Variants in RNF13 observed in about 807,000 individuals in gnomAD.
RNF13 encodes ring finger protein 13.
A neutral mutation model predicts 37.7 loss-of-function variants in RNF13; 19 were observed. The ratio of observed to expected loss-of-function variants is 0.50; its 90% CI spans 0.35 to 0.74. RNF13 has a LOEUF of 0.74. RNF13 is among the 30% of genes least tolerant of loss of function. The pLI is 0.01. For missense variants in RNF13, 375 were observed against 453.0 expected (o/e 0.83, Z 1.56); for synonymous variants, 144 against 157.8 (o/e 0.91, Z 0.65).
intron 7 of RNF13, among the ~76,000 whole-genome samples, chr3:149,919,401 C>T (rs1484605451): frequency 6.6e-6 from 1 of 152,140 alleles, no homozygotes; most frequent in East Asian, 1.9e-4. Flanking sequence ...TCATCCTCCC[C>T]TCACTACCCT....
chr3:149,918,746 C>G (rs1268290416), intron 7 of RNF13, among the ~76,000 whole-genome samples: 1 of 143,046 alleles, frequency 7.0e-6, no homozygotes, highest in Non-Finnish European at 1.5e-5. Context: ...TTAGGCTAGT[C>G]TCAAACTCCT....
Position 149,921,166 on chromosome 3 carries a change from T to C in RNF13, c.639T>C (p.Ala213=). The C allele has an allele frequency of 2.1e-6, 3 of 1,427,164 alleles. No homozygotes were observed. The highest frequency in any genetic ancestry group is 2.8e-6 in the Non-Finnish European group (3 of 1,075,446). The allele number at this position is 1,427,164 out of a possible 1,614,324, so 88.4% of individuals were successfully genotyped here. A position where few individuals can be genotyped will look rare whatever the true frequency, so the allele number is the denominator to read the frequency against. Residue 213 remains alanine, a synonymous_variant, in exon 8 of 10, where the codon GCT becomes GCC. Transcript: ENST00000392894. ...AATTTGTCCAGGATAGACATAGAGC[T>C]AGAAGAAACAGACTTCGTAAAGATC... ...ITKFVQDRHR[A]RRNRLRKDQL...
chr3:149,921,175 C>T lies in RNF13; in HGVS notation c.648C>T (p.Asn216=). 1 of 1,430,984 alleles carries T rather than the reference C, an allele frequency of 7.0e-7. No individual in the cohort carries two copies. Among genetic ancestry groups the T allele is most frequent in the Non-Finnish European group, 9.3e-7 (1 of 1,078,342 alleles). 88.6% of individuals were successfully genotyped at this position (1,430,984 alleles called of 1,614,324 possible). A position where few individuals can be genotyped will look rare whatever the true frequency, so the allele number is the denominator to read the frequency against. ...AGGATAGACATAGAGCTAGAAGAAA[C>T]AGACTTCGTAAAGATCAACTTAAGA... ...FVQDRHRARR[N]RLRKDQLKKL... is the part of the protein sequence containing the mutation. The change falls in exon 8 of 10, where the codon AAC becomes AAT. Residue 216 remains asparagine, a synonymous_variant. Coordinates refer to ENST00000392894, the MANE Select transcript of RNF13 (RefSeq NM_183381.3).
chr3:149,829,008 C>A (rs1720771315), intron 1 of RNF13, among the ~76,000 whole-genome samples: 1 of 152,176 alleles, frequency 6.6e-6, no homozygotes, highest in African/African-American at 2.4e-5. Context: ...ATGACCGGAT[C>A]ACATCTCATA....
intron 8 of RNF13, among the ~76,000 whole-genome samples, chr3:149,957,474 A>ATT (rs1721976153): frequency 6.6e-6 from 1 of 152,274 alleles, no homozygotes; most frequent in African/African-American, 2.4e-5. Flanking sequence ...CTCACAGTTT[A>ATT]TGGACTGCTG....
At position 149,961,153 on chromosome 3, in the gene RNF13, A is replaced by G; in HGVS notation, c.*49A>G. 2.7e-6 allele frequency: 4 copies of G among 1,494,118 alleles called. No homozygotes were observed. The East Asian group carries it at 6.8e-5, about 25-fold the overall frequency. The allele number at this position is 1,494,118 out of a possible 1,614,324, so 92.6% of individuals were successfully genotyped here. A position where few individuals can be genotyped will look rare whatever the true frequency, so the allele number is the denominator to read the frequency against. On this transcript the variant is annotated 3_prime_UTR_variant, in exon 10 of 10. Transcript: ENST00000392894. ...TTCCCTTTAAAATGATTAGGTATATACTGTAATTTGATTTTTTGCTCCCTT... is the reference window on the plus strand; with the variant it reads ...TTCCCTTTAAAATGATTAGGTATATGCTGTAATTTGATTTTTTGCTCCCTT...
intron 1 of RNF13, among the ~76,000 whole-genome samples, chr3:149,832,248 G>A (rs180717420): frequency 3.9e-5 from 6 of 152,296 alleles, no homozygotes; most frequent in African/African-American, 1.4e-4. Flanking sequence ...CAGAACCAGT[G>A]GAATCTGAGC....
chr3:149,928,719 T>C (rs1718893130), intron 8 of RNF13, among the ~76,000 whole-genome samples: 2 of 152,106 alleles, frequency 1.3e-5, no homozygotes, highest in Non-Finnish European at 2.9e-5. Flanking sequence ...CAAAAAAAGT[T>C]ATAGAATTTT....
At chr3:149,904,409 G>C (rs1427793395) in intron 6 of RNF13, among the ~76,000 whole-genome samples, 1 of 151,914 alleles carries the variant, frequency 6.6e-6, no homozygotes, top group African/African-American at 2.4e-5. Context: ...GAGACAGGCT[G>C]TTACTCTGTT....
intron 8 of RNF13, among the ~76,000 whole-genome samples, chr3:149,938,439 C>T (rs929197107): frequency 5.3e-5 from 8 of 151,078 alleles, no homozygotes; most frequent in Non-Finnish European, 1.2e-4. Context: ...TCCAAAAGTC[C>T]TGGAATTACA....
At chr3:149,832,026 A>G (rs907795965) in intron 1 of RNF13, among the ~76,000 whole-genome samples, 23 of 152,342 alleles carry the variant, frequency 1.5e-4, no homozygotes, top group African/African-American at 5.5e-4. Context: ...AAAATAGTTA[A>G]TTAATTGTTC....
At chr3:149,923,101 T>C (rs1013936753) in intron 8 of RNF13, among the ~76,000 whole-genome samples, 12 of 151,938 alleles carry the variant, frequency 7.9e-5, no homozygotes, top group Non-Finnish European at 1.5e-5. Flanking sequence ...CATTAAAAAA[T>C]AGAACACTTA....
intron 8 of RNF13, among the ~76,000 whole-genome samples, chr3:149,952,612 T>A (rs114343813): frequency 0.014 from 2,199 of 152,180 alleles, 21 homozygotes; most frequent in Non-Finnish European, 0.024. Flanking sequence ...ATGCTTTTTT[T>A]TTTTGAGATG....
intron 4 of RNF13, among the ~76,000 whole-genome samples, chr3:149,889,286 A>AGTGTGT (rs1390991976): frequency 0.021 from 967 of 45,364 alleles, 11 homozygotes; most frequent in African/African-American, 0.039. Flanking sequence ...TCTGAATTTG[A>AGTGTGT]GTGTGCGTGT....
chr3:149,855,562 A>G (rs1723566219), intron 3 of RNF13, among the ~76,000 whole-genome samples: 1 of 151,094 alleles, frequency 6.6e-6, no homozygotes, highest in Non-Finnish European at 1.5e-5. Flanking sequence ...TTAAAAATAC[A>G]TATATACGTA....
chr3:149,846,780 C>T (rs1334206868), intron 2 of RNF13, among the ~76,000 whole-genome samples: 3 of 152,176 alleles, frequency 2.0e-5, no homozygotes, highest in African/African-American at 4.8e-5. Context: ...TAGTACATCT[C>T]TTAATGACTG....
At chr3:149,960,494 A>C (rs1040514152) in intron 9 of RNF13, among the ~76,000 whole-genome samples, 43 of 152,138 alleles carry the variant, frequency 2.8e-4, no homozygotes, top group African/African-American at 8.4e-4. Flanking sequence ...AGGGAGGCTG[A>C]GGCAGGACAA....
intron 4 of RNF13, 28 bp from the exon 5 acceptor site, chr3:149,895,445 A>ATT: frequency 2.7e-6 from 3 of 1,102,640 alleles, no homozygotes; most frequent in East Asian, 2.6e-5. Flanking sequence ...TTATAACATA[A>ATT]TTTTTTTTTT....
Position 149,953,976 on chromosome 3 carries a change from A to G in RNF13, c.701-6080A>G, listed in dbSNP as rs1576599233. ...TGTCATCAAAATTCAGTTATTAAAC[A>G]TATTTTATGATTAAAAAGAAGACTG... On this transcript the variant is annotated intron_variant, in intron 8 of 9. Transcript: ENST00000392894. Among the ~76,000 whole-genome samples, 3 of 152,352 alleles carry G rather than the reference A, an allele frequency of 2.0e-5. No individual in the cohort carries two copies. In the South Asian group the frequency reaches 6.2e-4, roughly 32 times the overall value.
Sources: allele counts gnomAD v4.1 joint callset (sites outside exome capture counted in the v4.1 genomes callset), GRCh38; gene constraint gnomAD v4.1.1; transcripts MANE v1.5; gene names NCBI Gene and HGNC (gene_info 2026-07-23, HGNC 2026-07-21).